The following EXOC3L2 variants were observed in gnomAD, a reference collection of about 807,000 sequenced individuals.
EXOC3L2 encodes the protein exocyst complex component 3 like 2, also known as exocyst complex component 3-like protein 2.
Under a neutral mutation model 44.4 loss-of-function variants are expected in EXOC3L2, and 17 were observed. The ratio of observed to expected loss-of-function variants is 0.38; its 90% CI spans 0.26 to 0.57. EXOC3L2 has a LOEUF of 0.57. Among genes scored for constraint, EXOC3L2 ranks in the 20% least tolerant of loss-of-function variants. The probability of loss-of-function intolerance (pLI) is 0.65; values close to 1 mark genes in which losing one functional copy is unlikely to be tolerated. For missense variants in EXOC3L2, 541 were observed against 588.4 expected, an observed-to-expected ratio of 0.92 and a Z score of 0.83; for synonymous variants, 256 against 253.7, an observed-to-expected ratio of 1.01 and a Z score of -0.09.
intron 11 of EXOC3L2, among the ~76,000 whole-genome samples, chr19:45,214,334 G>T (rs1361469848): frequency 6.6e-6 from 1 of 152,164 alleles, no homozygotes; most frequent in Non-Finnish European, 1.5e-5. Flanking sequence ...GTCTGAGAAT[G>T]TGTCTGCCCA....
At chr19:45,233,451 T>C (rs1970050894) in intron 3 of EXOC3L2, among the ~76,000 whole-genome samples, 1 of 152,098 alleles carries the variant, frequency 6.6e-6, no homozygotes, top group South Asian at 2.1e-4. Context: ...TAAGTGTCAT[T>C]GTATTAAGGT....
At chr19:45,240,740 A>T (rs978650144) in intron 1 of EXOC3L2, among the ~76,000 whole-genome samples, 1 of 152,006 alleles carries the variant, frequency 6.6e-6, no homozygotes, top group Non-Finnish European at 1.5e-5. Context: ...TACTAAAAAT[A>T]AAAAAAGTAA....
chr19:45,238,745 A>G lies in EXOC3L2; in HGVS notation c.301T>C (p.Ser101Pro), dbSNP rs1254171860. The stretch of plus-strand genomic sequence containing the variant: ...CGGGCCAGGAGGCCAAAATCTGCTG[A>G]GCTCCTGCGTATCCCTGGTACCAGC... ...RVLVPGIRRSSADFGLLARLH... is the reference protein window; with the variant it reads ...RVLVPGIRRSPADFGLLARLH... The change falls in exon 2 of 12, where the codon TCA (serine) becomes CCA (proline). Residue 101 changes from serine to proline, a missense_variant. Coordinates refer to ENST00000413988, the MANE Select transcript of EXOC3L2 (RefSeq NM_001382422.1). This position sits in a 1 kb window ranked among gnomAD's most constrained non-coding sequence, Gnocchi z 5.5. 9 of 398,780 alleles carry G rather than the reference A, an allele frequency of 2.3e-5. No homozygotes were observed. Among genetic ancestry groups the G allele is most frequent in the Admixed American group, 1.3e-4 (3 of 22,708 alleles). The allele number at this position is 398,780 out of a possible 1,614,324, so 24.7% of individuals were successfully genotyped here.
chr19:45,213,386 G>A (rs1490780584), intron 11 of EXOC3L2, 29 bp from the exon 12 acceptor site: 1 of 1,609,564 alleles, frequency 6.2e-7, no homozygotes, highest in Admixed American at 1.7e-5. Context: ...ACAGGTGCAT[G>A]CAGATCCCCA....
intron 8 of EXOC3L2, among the ~76,000 whole-genome samples, chr19:45,219,694 T>G (rs1165691968): frequency 6.6e-6 from 1 of 152,216 alleles, no homozygotes; most frequent in Non-Finnish European, 1.5e-5. Context: ...TTTTCTAGAA[T>G]GCACTGTATA....
chr19:45,214,386 C>CA (rs1219906712), intron 11 of EXOC3L2, among the ~76,000 whole-genome samples: 7 of 152,148 alleles, frequency 4.6e-5, no homozygotes, highest in Admixed American at 3.3e-4. Context: ...CAGCCACCAC[C>CA]ACTGCCACCA....
In EXOC3L2 at chr19:45,224,864, C is replaced by T. The variant is rs752640107; in HGVS notation, c.1633G>A (p.Ala545Thr). The T allele has an allele frequency of 1.6e-5, 26 of 1,580,890 alleles. No homozygotes were observed. Among genetic ancestry groups the T allele is most frequent in the East Asian group, 2.3e-5 (1 of 43,590 alleles). Residue 545 changes from alanine to threonine, a missense_variant, in exon 8 of 12, where the codon GCC (alanine) becomes ACC (threonine). Transcript: ENST00000413988. The part of the protein sequence containing the change: ...ARVGPPESEP[A>T]REASASALDH... ...AGAGCACTAGCAGATGCTTCCCGGG[C>T]CGGCTCGCTTTCTGGGGGCCCCACC... is the stretch of plus-strand genomic sequence containing the variant.
chr19:45,213,150 G>T lies in EXOC3L2; in HGVS notation c.2328C>A (p.Leu776=). 6.3e-7 allele frequency: 1 copy of T among 1,589,512 alleles called. No homozygotes were observed. Among genetic ancestry groups the T allele is most frequent in the Non-Finnish European group, 8.6e-7 (1 of 1,168,592 alleles). The change falls in exon 12 of 12, where the codon CTC becomes CTA. Residue 776 remains leucine, a synonymous_variant. Coordinates refer to ENST00000413988, the MANE Select transcript of EXOC3L2 (RefSeq NM_001382422.1). ...CCAAACTGGGCCTGGCCAGCCGGGA[G>T]AGGGGGAGGCGGCCCAGGAAGAGAG... The part of the protein sequence containing the change: ...SLPLFLGRLP[L]SRLARPSLAC...
intron 1 of EXOC3L2, among the ~76,000 whole-genome samples, chr19:45,244,643 T>G (rs1285941783): frequency 1.3e-5 from 2 of 152,030 alleles, no homozygotes; most frequent in Non-Finnish European, 2.9e-5. Context: ...GCTTCCCTCT[T>G]TGAGCCCCTC....
Position 45,216,199 on chromosome 19 carries a change from A to C in EXOC3L2, c.1999-5T>G. On this transcript the variant is annotated splice_region_variant and splice_polypyrimidine_tract_variant and intron_variant, in intron 10 of 11. Transcript: ENST00000413988. ...CAGCCACGAGGCCTGGGACTCCTGC[A>C]GGGGAGGGAGGGTGCGGGGTCACAC... 2 of 1,611,764 alleles carry C rather than the reference A, an allele frequency of 1.2e-6. No individual in the cohort carries two copies. Among genetic ancestry groups the C allele is most frequent in the Non-Finnish European group, 1.7e-6 (2 of 1,178,770 alleles).
chr19:45,242,541 A>C (rs1170111376), intron 1 of EXOC3L2, among the ~76,000 whole-genome samples: 1 of 151,626 alleles, frequency 6.6e-6, no homozygotes, highest in African/African-American at 2.4e-5. Flanking sequence ...TACAGGCGTG[A>C]GCCACCATCC....
Position 45,212,779 on chromosome 19 carries a change from A to G in EXOC3L2, c.*290T>C. On this transcript the variant is annotated 3_prime_UTR_variant, in exon 12 of 12. Coordinates refer to ENST00000413988, the MANE Select transcript of EXOC3L2 (RefSeq NM_001382422.1). ...CCAGCTAATTTTTTATTTTTTGTAG[A>G]GATAGGGGGCAGGTCTCACTATGTT... 3.1e-6 allele frequency: 1 copy of G among 321,300 alleles called. No individual in the cohort carries two copies. Among genetic ancestry groups the G allele is most frequent in the Non-Finnish European group, 5.6e-6 (1 of 179,266 alleles). The allele number at this position is 321,300 out of a possible 1,614,324, so 19.9% of individuals were successfully genotyped here.
chr19:45,218,688 T>A (rs1166222093), intron 8 of EXOC3L2, among the ~76,000 whole-genome samples: 3 of 151,130 alleles, frequency 2.0e-5, no homozygotes, highest in Admixed American at 1.3e-4. Context: ...GGAGGGGGAG[T>A]GGCTCAATGG....
chr19:45,228,284 G>T lies in EXOC3L2; in HGVS notation c.1270-18C>A, dbSNP rs1489268621. Reference sequence around the variant, plus strand: ...GTCTGAGCCTACAGTAGGGAGAGGGGAGACAGGCAGGAGTTGGGGGCGGCC... The same window carrying T: ...GTCTGAGCCTACAGTAGGGAGAGGGTAGACAGGCAGGAGTTGGGGGCGGCC... On this transcript the variant is annotated intron_variant, in intron 4 of 11. Coordinates refer to ENST00000413988, the MANE Select transcript of EXOC3L2 (RefSeq NM_001382422.1). 9 of 1,612,370 alleles carry T rather than the reference G, an allele frequency of 5.6e-6. No individual in the cohort carries two copies. In the South Asian group the frequency reaches 8.8e-5, roughly 16 times the overall value.
At chr19:45,227,180 C>T (rs552839162) in intron 7 of EXOC3L2, among the ~76,000 whole-genome samples, 35 of 150,322 alleles carry the variant, frequency 2.3e-4, no homozygotes, top group African/African-American at 6.4e-4. Context: ...TGCAGTGGTG[C>T]GATCTTGGCT....
In EXOC3L2 at chr19:45,234,045, G is replaced by C. The variant is rs1443076262; in HGVS notation, c.1157+148C>G. On this transcript the variant is annotated intron_variant, in intron 3 of 11. Coordinates refer to ENST00000413988, the MANE Select transcript of EXOC3L2 (RefSeq NM_001382422.1). The surrounding 1 kb of genome is among the most constrained non-coding windows in gnomAD (Gnocchi z 5.0). ...TGAGAGTCTAGGATTGTAACTGTCAGCGGTGCTGACGACTGGATGGGTTAA... is the reference window on the plus strand; with the variant it reads ...TGAGAGTCTAGGATTGTAACTGTCACCGGTGCTGACGACTGGATGGGTTAA... 1 of 371,998 alleles carries C rather than the reference G, an allele frequency of 2.7e-6. No individual in the cohort carries two copies. Among genetic ancestry groups the C allele is most frequent in the Non-Finnish European group, 4.8e-6 (1 of 209,122 alleles). 23.0% of individuals were successfully genotyped at this position (371,998 alleles called of 1,614,324 possible).
intron 2 of EXOC3L2, among the ~76,000 whole-genome samples, chr19:45,235,398 T>G (rs1970074190): frequency 6.7e-6 from 1 of 149,106 alleles, no homozygotes. Flanking sequence ...GGAGGAGGGG[T>G]CGGAGGAGGC....
chr19:45,242,730 C>T (rs1313945413), intron 1 of EXOC3L2, among the ~76,000 whole-genome samples: 4 of 151,892 alleles, frequency 2.6e-5, no homozygotes, highest in African/African-American at 7.3e-5. Context: ...GGTGTGGTGG[C>T]GGGTGCCTGT....
At chr19:45,217,385 CTG>C in intron 10 of EXOC3L2, 141 bp downstream of exon 10, 2 of 1,039,138 alleles carry the variant, frequency 1.9e-6, no homozygotes, top group East Asian at 6.4e-5. Context: ...GTCAAAGTTA[CTG>C]GTTGCTATTG....
Sources: allele counts gnomAD v4.1 joint callset (sites outside exome capture counted in the v4.1 genomes callset), GRCh38; gene constraint gnomAD v4.1.1; non-coding constraint Gnocchi (gnomAD v3.1); transcripts MANE v1.5; gene names NCBI Gene and HGNC (gene_info 2026-07-23, HGNC 2026-07-21).